HS6ST1: variants seen among roughly 807,000 people sequenced by gnomAD.
HS6ST1 encodes the protein heparan sulfate 6-O-sulfotransferase 1.
HS6ST1 carries 3 observed loss-of-function variants against 25.2 expected under a neutral mutation model. That is an observed-to-expected ratio of 0.12 (90% CI 0.05 to 0.31). The LOEUF (loss-of-function observed/expected upper bound fraction) is 0.31, where lower values mean the gene tolerates loss of function less well. HS6ST1 is among the 10% of genes least tolerant of loss of function. The pLI is 1.00. For missense variants in HS6ST1, 310 were observed against 609.6 expected (o/e 0.51, Z 5.18); for synonymous variants, 204 against 275.1 (o/e 0.74, Z 2.56).
At chr2:128,275,134 G>C (rs1348259855) in intron 1 of HS6ST1, among the ~76,000 whole-genome samples, 1 of 152,088 alleles carries the variant, frequency 6.6e-6, no homozygotes, top group East Asian at 1.9e-4. Context: ...CAAGTAAAAA[G>C]ACATAGCAAT....
intron 1 of HS6ST1, among the ~76,000 whole-genome samples, chr2:128,312,197 G>A (rs1694302249): frequency 6.6e-6 from 1 of 152,260 alleles, no homozygotes; most frequent in African/African-American, 2.4e-5. Flanking sequence ...TGCGCATGCA[G>A]GGGTTGCTGG....
chr2:128,313,322 A>T (rs556798746), intron 1 of HS6ST1, among the ~76,000 whole-genome samples: 2 of 152,332 alleles, frequency 1.3e-5, no homozygotes, highest in Non-Finnish European at 2.9e-5. Flanking sequence ...CAGAATGAGC[A>T]ACCTGCGCAC....
At position 128,312,371 on chromosome 2, in the gene HS6ST1, G is replaced by C. The variant is rs548633195; in HGVS notation, c.527+5666C>G. Reference sequence around the variant, plus strand: ...GGCTGCTCTTCATATACTTGTCTTGGGGGAGTGTTGGGTCCAAACAAGATG... The same window carrying C: ...GGCTGCTCTTCATATACTTGTCTTGCGGGAGTGTTGGGTCCAAACAAGATG... On this transcript the variant is annotated intron_variant, in intron 1 of 1. Coordinates refer to ENST00000259241, the MANE Select transcript of HS6ST1 (RefSeq NM_004807.3). Among the ~76,000 whole-genome samples the C allele has an allele frequency of 3.3e-5, 5 of 152,344 alleles. No individual in the cohort carries two copies. The South Asian group carries it at 1.0e-3, about 32-fold the overall frequency.
chr2:128,281,172 C>A (rs1693779545), intron 1 of HS6ST1, among the ~76,000 whole-genome samples: 1 of 152,226 alleles, frequency 6.6e-6, no homozygotes, highest in Non-Finnish European at 1.5e-5. Context: ...GACGGAGGCA[C>A]CTGGGTCTGG....
intron 1 of HS6ST1, among the ~76,000 whole-genome samples, chr2:128,304,780 C>A (rs975364134): frequency 1.3e-5 from 2 of 152,244 alleles, no homozygotes; most frequent in Admixed American, 6.5e-5. Context: ...GCAGCCCTCA[C>A]TGGGTCAGTG....
intron 1 of HS6ST1, among the ~76,000 whole-genome samples, chr2:128,292,877 T>C (rs1693977144): frequency 6.6e-6 from 1 of 151,760 alleles, no homozygotes; most frequent in Non-Finnish European, 1.5e-5. Flanking sequence ...GGAGGGCACC[T>C]GAGACATGGG....
At chr2:128,300,808 CA>C (rs993227653) in intron 1 of HS6ST1, among the ~76,000 whole-genome samples, 8 of 152,222 alleles carry the variant, frequency 5.3e-5, no homozygotes, top group Admixed American at 5.2e-4. Context: ...ACCCTCCTCC[CA>C]GCTGCTCTGG....
In HS6ST1 at chr2:128,268,180, G is replaced by A; in HGVS notation, c.1218C>T (p.His406=). The A allele has an allele frequency of 6.2e-7, 1 of 1,609,696 alleles. No individual in the cohort carries two copies. The highest frequency in any genetic ancestry group is 1.1e-5 in the South Asian group (1 of 90,780). The change falls in exon 2 of 2, where the codon CAC becomes CAT. Residue 406 remains histidine (H), a synonymous_variant. Transcript: ENST00000259241. ...GRVPTEDYMS[H]IIEKW ...ACCGCCACTACCACTTCTCAATGAT[G>A]TGGCTCATGTAGTCCTCGGTGGGCA...
At chr2:128,272,233 G>T (rs557602350) in intron 1 of HS6ST1, among the ~76,000 whole-genome samples, 1 of 152,354 alleles carries the variant, frequency 6.6e-6, no homozygotes, top group African/African-American at 2.4e-5. Flanking sequence ...CCCCAGCACC[G>T]TCACGGTCTG....
chr2:128,303,608 G>A (rs893705786), intron 1 of HS6ST1, among the ~76,000 whole-genome samples: 1 of 152,196 alleles, frequency 6.6e-6, no homozygotes, highest in East Asian at 1.9e-4. Context: ...CCCGTCAAGT[G>A]GGCACTTGCC....
In HS6ST1 at chr2:128,268,379, A is replaced by G; in HGVS notation, c.1019T>C (p.Leu340Pro). 1.2e-6 allele frequency: 2 copies of G among 1,613,606 alleles called. No homozygotes were observed. Among genetic ancestry groups the G allele is most frequent in the Non-Finnish European group, 1.7e-6 (2 of 1,179,860 alleles). Reference protein sequence around the residue: ...DEDTIRRIEELNDLDMQLYDY... With the variant: ...DEDTIRRIEEPNDLDMQLYDY... The stretch of plus-strand genomic sequence containing the variant: ...GTACAGCTGCATGTCCAGGTCGTTG[A>G]GCTCCTCGATGCGCCGGATGGTGTC... The change falls in exon 2 of 2, where the codon CTC (leucine) becomes CCC (proline). Residue 340 changes from leucine (L) to proline (P), a missense_variant. Leu to Pro is a moderately conservative substitution (Grantham distance 98). Around this residue, in one of 5 missense-constraint regions of HS6ST1, gnomAD observed 140 missense variants for 176.5 expected, o/e 0.79. Coordinates refer to ENST00000259241, the MANE Select transcript of HS6ST1 (RefSeq NM_004807.3).
At chr2:128,275,491 G>A (rs1332160671) in intron 1 of HS6ST1, among the ~76,000 whole-genome samples, 2 of 152,176 alleles carry the variant, frequency 1.3e-5, no homozygotes, top group African/African-American at 4.8e-5. Context: ...AAGAGAAAGC[G>A]GATCTGCTGG....
chr2:128,274,569 C>T (rs552193081), intron 1 of HS6ST1, among the ~76,000 whole-genome samples: 16 of 148,436 alleles, frequency 1.1e-4, no homozygotes, highest in African/African-American at 3.9e-4. Context: ...ACAGAACAAA[C>T]AAACAAACAA....
intron 1 of HS6ST1, among the ~76,000 whole-genome samples, chr2:128,274,244 C>T (rs1693657276): frequency 6.6e-6 from 1 of 151,976 alleles, no homozygotes; most frequent in African/African-American, 2.4e-5. Flanking sequence ...AATGGCTGAC[C>T]AAGTGCCGAG....
At chr2:128,278,883 G>T (rs1477675832) in intron 1 of HS6ST1, among the ~76,000 whole-genome samples, 2 of 152,104 alleles carry the variant, frequency 1.3e-5, no homozygotes, top group Non-Finnish European at 2.9e-5. Flanking sequence ...TTGAGAGTTC[G>T]GTGAAAACCC....
At chr2:128,270,748 C>T (rs1239870425) in intron 1 of HS6ST1, among the ~76,000 whole-genome samples, 1 of 152,192 alleles carries the variant, frequency 6.6e-6, no homozygotes, top group Admixed American at 6.5e-5. Context: ...TGGATGGAGA[C>T]AGGCCAGTGT....
At chr2:128,284,561 GCGTGATCTTGGTCACTGCAACCTTTGC>G (rs2104920013) in intron 1 of HS6ST1, among the ~76,000 whole-genome samples, 1 of 146,944 alleles carries the variant, frequency 6.8e-6, no homozygotes, top group African/African-American at 2.5e-5. Context: ...GAATGCAGTG[GCGTGATCTTGGTCACTGCAACCTTTGC>G]CTCCTGGGCT....
chr2:128,269,474 G>A (rs1693577520), intron 1 of HS6ST1, among the ~76,000 whole-genome samples: 1 of 152,206 alleles, frequency 6.6e-6, no homozygotes, highest in Non-Finnish European at 1.5e-5. Flanking sequence ...GCGTGCACAA[G>A]GGAGAAACGA....
At chr2:128,300,020 G>C (rs1225176057) in intron 1 of HS6ST1, among the ~76,000 whole-genome samples, 1 of 152,150 alleles carries the variant, frequency 6.6e-6, no homozygotes, top group Non-Finnish European at 1.5e-5. Flanking sequence ...TGAAGCCCAG[G>C]CTGGGGCAGC....
Sources: gnomAD v4.1 joint callset for allele counts (sites outside exome capture counted in the v4.1 genomes callset) on GRCh38, gnomAD v4.1.1 for gene constraint, gnomAD v4.1.1 regional missense constraint, MANE v1.5 for transcripts, NCBI Gene and HGNC (gene_info 2026-07-23, HGNC 2026-07-21) for gene names.